The following KIAA1671 variants were observed in gnomAD, a reference collection of about 807,000 sequenced individuals.
KIAA1671 encodes the protein uncharacterized protein KIAA1671.
A neutral mutation model predicts 131.2 loss-of-function variants in KIAA1671; 52 were observed. The observed-to-expected ratio is 0.40, with a 90% confidence interval of 0.32 to 0.50. The LOEUF (loss-of-function observed/expected upper bound fraction) is 0.50, where lower values mean the gene tolerates loss of function less well. Ranked by LOEUF, KIAA1671 falls within the 20% of genes least tolerant of loss-of-function variation. KIAA1671 has a pLI of 0.73. For missense variants in KIAA1671, 2,360 were observed against 2,364.2 expected (o/e 1.00, Z 0.04); for synonymous variants, 1,003 against 961.6 (o/e 1.04, Z -0.80).
chr22:25,101,835 C>T (rs749485344), intron 6 of KIAA1671, among the ~76,000 whole-genome samples: 16 of 152,106 alleles, frequency 1.1e-4, no homozygotes, highest in Non-Finnish European at 1.6e-4. Context: ...ACGTCCCTGC[C>T]GCCCACAGGC....
intron 4 of KIAA1671, among the ~76,000 whole-genome samples, chr22:25,033,329 G>A (rs971697504): frequency 1.3e-5 from 2 of 152,094 alleles, no homozygotes; most frequent in Admixed American, 6.6e-5. Flanking sequence ...CTTTGAGGCT[G>A]CAGTGAGCCA....
At chr22:25,191,767 G>C (rs1375156098) in intron 12 of KIAA1671, among the ~76,000 whole-genome samples, 1 of 152,084 alleles carries the variant, frequency 6.6e-6, no homozygotes, top group Non-Finnish European at 1.5e-5. Flanking sequence ...GAGCACAAGA[G>C]ACTCACCATC....
At chr22:25,169,957 C>T (rs978518604) in intron 6 of KIAA1671, among the ~76,000 whole-genome samples, 10 of 152,098 alleles carry the variant, frequency 6.6e-5, no homozygotes, top group Non-Finnish European at 1.2e-4. Context: ...GTCTCTCTGT[C>T]GCCCAGGCTG....
At chr22:25,025,848 C>T (rs1272358081) in intron 2 of KIAA1671, 64 bp downstream of exon 2, 3 of 152,296 alleles carry the variant, frequency 2.0e-5, no homozygotes, top group Non-Finnish European at 4.4e-5. Context: ...TGGAGAGTGC[C>T]TGTGAGTTCT....
At chr22:25,035,343 G>A (rs1478342906) in intron 4 of KIAA1671, among the ~76,000 whole-genome samples, 1 of 152,118 alleles carries the variant, frequency 6.6e-6, no homozygotes, top group Admixed American at 6.6e-5. Flanking sequence ...CACCGCGTCC[G>A]GCCAGGACTT....
chr22:25,179,473 A>T, intron 9 of KIAA1671: 1 of 1,613,126 alleles, frequency 6.2e-7, no homozygotes, highest in Non-Finnish European at 8.5e-7. Flanking sequence ...TGAAGTTGTT[A>T]TTCTCCTCCA....
intron 1 of KIAA1671, among the ~76,000 whole-genome samples, chr22:25,008,739 T>G (rs1205560546): frequency 1.3e-5 from 2 of 152,222 alleles, no homozygotes; most frequent in Non-Finnish European, 2.9e-5. Flanking sequence ...AGGATGATAA[T>G]GACTAATAAC....
chr22:25,169,452 C>T (rs1243379168), intron 6 of KIAA1671, among the ~76,000 whole-genome samples: 5 of 147,720 alleles, frequency 3.4e-5, no homozygotes, highest in Non-Finnish European at 5.9e-5. Flanking sequence ...TGACTGAGAG[C>T]GTCATTCAAA....
intron 6 of KIAA1671, among the ~76,000 whole-genome samples, chr22:25,074,496 CAAAAAA>C (rs759898395): frequency 6.2e-5 from 4 of 64,160 alleles, no homozygotes; most frequent in African/African-American, 2.3e-4. Context: ...GGCTGTGTCT[CAAAAAA>C]AAAAAAAAAA....
intron 6 of KIAA1671, among the ~76,000 whole-genome samples, chr22:25,114,718 C>G (rs771750060): frequency 6.6e-6 from 1 of 152,202 alleles, no homozygotes; most frequent in Non-Finnish European, 1.5e-5. Flanking sequence ...CCTCTCAAAC[C>G]ATCACTTCAA....
At chr22:24,955,577 G>A (rs1000534811) in intron 1 of KIAA1671, among the ~76,000 whole-genome samples, 7 of 152,188 alleles carry the variant, frequency 4.6e-5, no homozygotes, top group Admixed American at 1.3e-4. Context: ...TTCCTGGAGC[G>A]TGGGGCGCTG....
intron 1 of KIAA1671, among the ~76,000 whole-genome samples, chr22:24,984,412 C>T (rs1287612733): frequency 6.6e-6 from 1 of 152,146 alleles, no homozygotes; most frequent in East Asian, 1.9e-4. Context: ...CACCTGGAGG[C>T]AAAGGACCAT....
intron 1 of KIAA1671, among the ~76,000 whole-genome samples, chr22:24,991,322 C>T (rs1041138576): frequency 6.6e-6 from 1 of 151,988 alleles, no homozygotes; most frequent in Non-Finnish European, 1.5e-5. Context: ...CATGCCCAGC[C>T]CCTTTCTTCC....
At chr22:25,149,306 C>G (rs1932961798) in intron 6 of KIAA1671, among the ~76,000 whole-genome samples, 1 of 152,204 alleles carries the variant, frequency 6.6e-6, no homozygotes, top group African/African-American at 2.4e-5. Flanking sequence ...TTCCCTGAAT[C>G]CTCGTGACCT....
intron 6 of KIAA1671, among the ~76,000 whole-genome samples, chr22:25,089,574 A>G (rs952874413): frequency 3.3e-5 from 5 of 152,136 alleles, no homozygotes; most frequent in Admixed American, 6.6e-5. Context: ...GCACCCGGCC[A>G]TGTGTGTTTA....
At chr22:25,188,175 C>A (rs924781149) in intron 11 of KIAA1671, among the ~76,000 whole-genome samples, 1 of 152,158 alleles carries the variant, frequency 6.6e-6, no homozygotes, top group Admixed American at 6.5e-5. Flanking sequence ...GTGGCGGGCG[C>A]CTGTAGTCCC....
At chr22:24,954,603 A>C (rs1210484473) in intron 1 of KIAA1671, among the ~76,000 whole-genome samples, 1 of 152,166 alleles carries the variant, frequency 6.6e-6, no homozygotes, top group Non-Finnish European at 1.5e-5. Context: ...AGGGCAACTC[A>C]GGATTTGTCC....
At chr22:25,074,496 CAAAAAAA>C (rs759898395) in intron 6 of KIAA1671, among the ~76,000 whole-genome samples, 3 of 64,160 alleles carry the variant, frequency 4.7e-5, no homozygotes, top group Admixed American at 2.0e-4. Context: ...GGCTGTGTCT[CAAAAAAA>C]AAAAAAAAAA....
chr22:25,174,608 C>A, intron 8 of KIAA1671, 119 bp downstream of exon 8: 3 of 1,190,456 alleles, frequency 2.5e-6, no homozygotes, highest in Non-Finnish European at 3.4e-6. Flanking sequence ...ACGGAGGGCA[C>A]TGTCTTTGAA....
Sources: gnomAD v4.1 joint callset for allele counts (sites outside exome capture counted in the v4.1 genomes callset) on GRCh38, gnomAD v4.1.1 for gene constraint, MANE v1.5 for transcripts, NCBI Gene and HGNC (gene_info 2026-07-23, HGNC 2026-07-21) for gene names.